Variants in LEMD2 observed in about 807,000 individuals in gnomAD.
LEMD2 encodes the protein LEM domain-containing protein 2.
A neutral mutation model predicts 58.8 loss-of-function variants in LEMD2; 34 were observed. The observed-to-expected ratio is 0.58, with a 90% CI of 0.44 to 0.77. The LOEUF (loss-of-function observed/expected upper bound fraction) is 0.77. Among genes scored for constraint, LEMD2 ranks in the 30% least tolerant of loss-of-function variants. The pLI is 0.00. For missense variants in LEMD2, 629 were observed against 717.9 expected, an observed-to-expected ratio of 0.88 and a Z score of 1.42; for synonymous variants, 298 against 308.9, an observed-to-expected ratio of 0.96 and a Z score of 0.37.
At position 33,788,679 on chromosome 6, in the gene LEMD2, C is replaced by G; in HGVS notation, c.438G>C (p.Arg146=). The change falls in exon 1 of 9, where the codon CGG becomes CGC. Residue 146 remains arginine, a synonymous_variant. Coordinates refer to ENST00000293760, the MANE Select transcript of LEMD2 (RefSeq NM_181336.4). ...RGSSEEDEDA[R]TPDRATQGPG... ...GGCCCTGCGTGGCCCTGTCGGGCGT[C>G]CGGGCGTCCTCGTCCTCCTCGGAGC... 1 of 1,340,082 alleles carries G rather than the reference C, an allele frequency of 7.5e-7. No homozygotes were observed. Among genetic ancestry groups the G allele is most frequent in the Non-Finnish European group, 9.6e-7 (1 of 1,045,284 alleles). The allele number at this position is 1,340,082 out of a possible 1,614,324, so 83.0% of individuals were successfully genotyped here. A position where few individuals can be genotyped will look rare whatever the true frequency, so the allele number is the denominator to read the frequency against.
rs1767318540 is a variant in LEMD2 at position 33,772,329 on chromosome 6, C to T, written c.*299G>A. On this transcript the variant is annotated 3_prime_UTR_variant, in exon 9 of 9. Coordinates refer to ENST00000293760, the MANE Select transcript of LEMD2 (RefSeq NM_181336.4). ...CCCCACGCTTGTCAGCTGGGCCTGA[C>T]AGCTGCTGCTCTTGTTTTCTATTCA... 8.3e-6 allele frequency: 2 copies of T among 240,326 alleles called. No homozygotes were observed. The highest frequency in any genetic ancestry group is 1.6e-5 in the Non-Finnish European group (2 of 124,602). The allele number at this position is 240,326 out of a possible 1,614,324, so 14.9% of individuals were successfully genotyped here. A position where few individuals can be genotyped will look rare whatever the true frequency, so the allele number is the denominator to read the frequency against.
chr6:33,774,025 C>T (rs1166654454), intron 8 of LEMD2, among the ~76,000 whole-genome samples: 3 of 152,196 alleles, frequency 2.0e-5, no homozygotes, highest in Non-Finnish European at 4.4e-5. Context: ...TGCTAATGCA[C>T]GAAGGCTTGG....
Position 33,788,888 on chromosome 6 carries a change from G to A in LEMD2, c.229C>T (p.Arg77Trp). ...RLREDAPLRA[R>W]PAAASPRAEP... ...GCCCGCGGAGAGGCCGCGGCGGGCC[G>A]GGCGCGCAGCGGCGCATCCTCGCGT... The change falls in exon 1 of 9, where the codon CGG becomes TGG. Residue 77 changes from arginine to tryptophan, a missense_variant. By Grantham distance (101) the Arg-to-Trp change is moderately radical. This residue lies in a region of LEMD2 where 386 missense variants were observed against 381.1 expected (regional missense o/e 1.01). Transcript: ENST00000293760. 1 of 1,380,964 alleles carries A rather than the reference G, an allele frequency of 7.2e-7. No homozygotes were observed. Among genetic ancestry groups the A allele is most frequent in the Non-Finnish European group, 9.3e-7 (1 of 1,076,050 alleles). The allele number at this position is 1,380,964 out of a possible 1,614,324, so 85.5% of individuals were successfully genotyped here. A position where few individuals can be genotyped will look rare whatever the true frequency, so the allele number is the denominator to read the frequency against.
chr6:33,784,331 G>A, intron 3 of LEMD2, 21 bp downstream of exon 3: 2 of 1,598,168 alleles, frequency 1.3e-6, no homozygotes, highest in Non-Finnish European at 1.7e-6. Flanking sequence ...AGGAATCTCA[G>A]GACTTACGTG....
intron 8 of LEMD2, among the ~76,000 whole-genome samples, chr6:33,773,308 G>C (rs1767347513): frequency 6.6e-6 from 1 of 152,202 alleles, no homozygotes; most frequent in Admixed American, 6.5e-5. Context: ...TCAGTGGCCA[G>C]AGTCCCTTCT....
At position 33,789,032 on chromosome 6, in the gene LEMD2, C is replaced by G. The variant is rs535678395; in HGVS notation, c.85G>C (p.Asp29His). ...QPGPITDTTRDVYRNKLRRLR... is the reference protein window; with the variant it reads ...QPGPITDTTRHVYRNKLRRLR... ...CGGCGCAGCTTGTTGCGGTAGACAT[C>G]CCGGGTGGTGTCGGTGATGGGTCCT... Residue 29 changes from aspartate to histidine, a missense_variant, in exon 1 of 9, where the codon GAT becomes CAT. Physicochemically the swap from Asp to His is moderately conservative, Grantham distance 81. Around this residue, in one of 2 missense-constraint regions of LEMD2, gnomAD observed 386 missense variants for 381.1 expected, o/e 1.01. Transcript: ENST00000293760. 40 of 1,558,252 alleles carry G rather than the reference C, an allele frequency of 2.6e-5. No individual in the cohort carries two copies. The South Asian group carries it at 3.5e-4, about 14-fold the overall frequency.
chr6:33,778,863 G>A lies in LEMD2; in HGVS notation c.1011-476C>T, dbSNP rs1767500718. 1 of 143,740 alleles carries A rather than the reference G, an allele frequency of 7.0e-6. No homozygotes were observed. Among genetic ancestry groups the A allele is most frequent in the South Asian group, 2.1e-4 (1 of 4,684 alleles). The allele number at this position is 143,740 out of a possible 1,614,324, so 8.9% of individuals were successfully genotyped here. ...TCCATGAGGCTCATGGGGAATCCGTGAGGCTCATGGGGAATGAAAACCACC... is the reference window on the plus strand; with the variant it reads ...TCCATGAGGCTCATGGGGAATCCGTAAGGCTCATGGGGAATGAAAACCACC... On this transcript the variant is annotated intron_variant, in intron 5 of 8. Transcript: ENST00000293760. The surrounding 1 kb of genome is among the most constrained non-coding windows in gnomAD (Gnocchi z 4.7).
chr6:33,775,076 C>CT (rs1370969242), intron 8 of LEMD2, among the ~76,000 whole-genome samples: 1 of 152,254 alleles, frequency 6.6e-6, no homozygotes, highest in Non-Finnish European at 1.5e-5. Flanking sequence ...CACAGGTTGA[C>CT]TGAGATGCTC....
intron 8 of LEMD2, among the ~76,000 whole-genome samples, chr6:33,773,594 C>CGGGGGGGGGG (rs10660361): frequency 1.4e-5 from 2 of 139,418 alleles, no homozygotes; most frequent in Non-Finnish European, 3.2e-5. Flanking sequence ...AGTCAGGAGG[C>CGGGGGGGGGG]GGGGGGGGGG....
intron 6 of LEMD2, among the ~76,000 whole-genome samples, chr6:33,777,868 G>A (rs1026836067): frequency 3.5e-4 from 53 of 152,264 alleles, no homozygotes; most frequent in Admixed American, 2.6e-4. Flanking sequence ...TATTTTTCAG[G>A]GAGTAAAAGT....
rs374636524 is a variant in LEMD2 at position 33,778,431 on chromosome 6, G to C, written c.1011-44C>G. The C allele has an allele frequency of 1.5e-5, 22 of 1,422,608 alleles. No individual in the cohort carries two copies. Among genetic ancestry groups the C allele is most frequent in the Non-Finnish European group, 2.0e-5 (22 of 1,076,386 alleles). 88.1% of individuals were successfully genotyped at this position (1,422,608 alleles called of 1,614,324 possible). A position where few individuals can be genotyped will look rare whatever the true frequency, so the allele number is the denominator to read the frequency against. On this transcript the variant is annotated intron_variant, in intron 5 of 8. Transcript: ENST00000293760. The surrounding 1 kb of genome is among the most constrained non-coding windows in gnomAD (Gnocchi z 4.7). Reference sequence around the variant, plus strand: ...CTCTGAACATGTTGGAAAGCTCCAAGGAGAGGCAGTGCAAGCCCCACTTCA... The same window carrying C: ...CTCTGAACATGTTGGAAAGCTCCAACGAGAGGCAGTGCAAGCCCCACTTCA...
At chr6:33,781,191 GA>G in intron 3 of LEMD2, 38 bp from the exon 4 acceptor site, 1 of 1,295,210 alleles carries the variant, frequency 7.7e-7, no homozygotes, top group Non-Finnish European at 1.1e-6. Context: ...AAACACAAAG[GA>G]AAAATCACTC....
chr6:33,785,066 C>T (rs967010989), intron 2 of LEMD2, among the ~76,000 whole-genome samples: 8 of 152,148 alleles, frequency 5.3e-5, no homozygotes, highest in African/African-American at 9.7e-5. Context: ...CCTGTCCCCA[C>T]GTTTTCAGCA....
intron 3 of LEMD2, among the ~76,000 whole-genome samples, chr6:33,783,961 C>T (rs1767618856): frequency 1.3e-5 from 2 of 152,222 alleles, no homozygotes; most frequent in Admixed American, 1.3e-4. Context: ...CCCAGCCAAC[C>T]ACCTGGTTCA....
In LEMD2 at chr6:33,778,659, G is replaced by A; in HGVS notation, c.1011-272C>T. 3.1e-6 allele frequency: 1 copy of A among 324,148 alleles called. No homozygotes were observed. The highest frequency in any genetic ancestry group is 5.6e-6 in the Non-Finnish European group (1 of 179,124). The allele number at this position is 324,148 out of a possible 1,614,324, so 20.1% of individuals were successfully genotyped here. The stretch of plus-strand genomic sequence containing the variant: ...GGTCTTTGACAGCCTCTCTCAGCAT[G>A]CAGGAGATTAAACTGTAAATTGGAT... On this transcript the variant is annotated intron_variant, in intron 5 of 8. Coordinates refer to ENST00000293760, the MANE Select transcript of LEMD2 (RefSeq NM_181336.4). This position sits in a 1 kb window ranked among gnomAD's most constrained non-coding sequence, Gnocchi z 4.7.
chr6:33,783,158 C>T (rs1374202530), intron 3 of LEMD2, among the ~76,000 whole-genome samples: 1 of 152,146 alleles, frequency 6.6e-6, no homozygotes, highest in Non-Finnish European at 1.5e-5. Flanking sequence ...GGTCCTTGGA[C>T]CACATTTGAG....
chr6:33,784,477 G>GGGGGGGGCCCCCCC (rs2127382384), intron 2 of LEMD2, 50 bp from the exon 3 acceptor site: 8 of 430,762 alleles, frequency 1.9e-5, no homozygotes, highest in Non-Finnish European at 3.3e-5. Context: ...GGTGGGAGGG[G>GGGGGGGGCCCCCCC]TCCGTCTGTC....
rs2127384162 is a variant in LEMD2, at chr6:33,788,403, C to G, written c.714G>C (p.Ala238=). The G allele has an allele frequency of 6.3e-7, 1 of 1,582,626 alleles. No homozygotes were observed. Among genetic ancestry groups the G allele is most frequent in the South Asian group, 1.2e-5 (1 of 86,944 alleles). ...ILWVKMGKPS[A]PQEAEDNMKL... ...TACTGTTGTCCTCCGCCTCCTGCGG[C>G]GCTGAGGGCTTGCCCATCTTCACCC... Residue 238 remains alanine (A), a synonymous_variant, in exon 1 of 9, where the codon GCG becomes GCC. Coordinates refer to ENST00000293760, the MANE Select transcript of LEMD2 (RefSeq NM_181336.4).
intron 2 of LEMD2, 70 bp downstream of exon 2, chr6:33,786,664 G>A (rs930664003): frequency 4.9e-5 from 58 of 1,189,486 alleles, no homozygotes; most frequent in East Asian, 1.2e-4. Flanking sequence ...TTTTTCTGGG[G>A]AAGTTTACCT....
Sources: gnomAD v4.1 joint callset for allele counts (sites outside exome capture counted in the v4.1 genomes callset) on GRCh38, gnomAD v4.1.1 for gene constraint, gnomAD v4.1.1 regional missense constraint, Gnocchi (gnomAD v3.1) non-coding constraint, MANE v1.5 for transcripts, NCBI Gene and HGNC (gene_info 2026-07-23, HGNC 2026-07-21) for gene names.